The following DDX10 variants were observed in gnomAD, a reference collection of about 807,000 sequenced individuals.
DDX10 encodes DEAD-box helicase 10, also known as probable ATP-dependent RNA helicase DDX10.
A neutral mutation model predicts 104.3 loss-of-function variants in DDX10; 74 were observed. The ratio of observed to expected loss-of-function variants is 0.71; its 90% CI spans 0.59 to 0.86. The LOEUF is 0.86. Among genes scored for constraint, DDX10 ranks in the 40% least tolerant of loss-of-function variants. The probability of loss-of-function intolerance (pLI) is 0.00; values close to 1 mark genes in which losing one functional copy is unlikely to be tolerated. For missense variants in DDX10, 952 were observed against 1,040.0 expected (o/e 0.92, Z 1.16); for synonymous variants, 351 against 353.4 (o/e 0.99, Z 0.08).
chr11:108,780,411 G>T (rs1591816462), intron 13 of DDX10, among the ~76,000 whole-genome samples: 1 of 152,208 alleles, frequency 6.6e-6, no homozygotes, highest in East Asian at 1.9e-4. Context: ...TTTAAGAGGG[G>T]TGGTTTTTGG....
At position 108,692,001 on chromosome 11, in the gene DDX10, A is replaced by C. The variant is rs770758577; in HGVS notation, c.1101A>C (p.Ala367=). 6.2e-7 allele frequency: 1 copy of C among 1,613,586 alleles called. No individual in the cohort carries two copies. The highest frequency in any genetic ancestry group is 8.5e-7 in the Non-Finnish European group (1 of 1,179,850). The change falls in exon 8 of 18, where the codon GCA becomes GCC. Residue 367 remains alanine (A), a synonymous_variant. Transcript: ENST00000322536. ...ATGAGTTTGTCCGTAAGAGAGCTGC[A>C]GTACTCTTTGCTACTGATATTGCAG... ...VYNEFVRKRA[A]VLFATDIAAR...
At position 108,738,058 on chromosome 11, in the gene DDX10, G is replaced by A. The variant is rs75647932; in HGVS notation, c.1965+14596G>A. Among the ~76,000 whole-genome samples, 655 of 152,034 alleles carry A rather than the reference G, an allele frequency of 4.3e-3. 4 individuals are homozygous for A. The highest frequency in any genetic ancestry group is 0.015 in the African/African-American group (634 of 41,476). ...TGCATATTCCAAAAACACTTAGCAC[G>A]ACCTTGCTAAATAATGCTCTCTCCT... is the stretch of plus-strand genomic sequence containing the variant. On this transcript the variant is annotated intron_variant, in intron 13 of 17. Coordinates refer to ENST00000322536, the MANE Select transcript of DDX10 (RefSeq NM_004398.4).
At chr11:108,687,307 A>G (rs2094245734) in intron 6 of DDX10, among the ~76,000 whole-genome samples, 1 of 151,714 alleles carries the variant, frequency 6.6e-6, no homozygotes, top group African/African-American at 2.4e-5. Flanking sequence ...TCATCTTTAA[A>G]TTGTTTTTTA....
intron 10 of DDX10, among the ~76,000 whole-genome samples, chr11:108,710,016 A>G (rs778259624): frequency 7.2e-5 from 11 of 152,202 alleles, no homozygotes; most frequent in Non-Finnish European, 1.5e-4. Flanking sequence ...CATGCTGTAC[A>G]CTGAATACTG....
chr11:108,679,286 T>G, intron 5 of DDX10, 85 bp from the exon 6 acceptor site: 1 of 1,173,490 alleles, frequency 8.5e-7, no homozygotes. Context: ...TTTTTCTGTT[T>G]TAGGATCCAA....
chr11:108,856,915 C>T (rs1862878189), intron 16 of DDX10, among the ~76,000 whole-genome samples: 1 of 149,918 alleles, frequency 6.7e-6, no homozygotes, highest in Non-Finnish European at 1.5e-5. Context: ...ATTTAGTCCT[C>T]ATCCAGACCA....
In DDX10 at chr11:108,687,635, T is replaced by A. The variant is rs181707440; in HGVS notation, c.849-1301T>A. ...CCCTTTTAAAATTGGGTGTTTCTGT[T>A]CTTATTGTTGAATTTTAAGAGTTGT... On this transcript the variant is annotated intron_variant, in intron 6 of 17. Transcript: ENST00000322536. Among the ~76,000 whole-genome samples the A allele has an allele frequency of 7.6e-3, 1,153 of 152,344 alleles. 5 individuals carry two copies. The highest frequency in any genetic ancestry group is 0.011 in the Non-Finnish European group (734 of 68,036).
intron 10 of DDX10, 41 bp downstream of exon 10, chr11:108,706,878 G>T: frequency 6.5e-7 from 1 of 1,540,882 alleles, no homozygotes; most frequent in Non-Finnish European, 9.0e-7. Context: ...AGGAAAATGA[G>T]GGCATGAAAT....
At chr11:108,815,156 T>C (rs1009315857) in intron 13 of DDX10, among the ~76,000 whole-genome samples, 2 of 152,220 alleles carry the variant, frequency 1.3e-5, no homozygotes, top group Admixed American at 6.5e-5. Context: ...ATTCCTGTTA[T>C]ATACTTTGAT....
intron 16 of DDX10, among the ~76,000 whole-genome samples, chr11:108,885,179 T>C (rs868732218): frequency 6.6e-6 from 1 of 152,288 alleles, no homozygotes. Flanking sequence ...AGCTTCCAAA[T>C]GGCCTTCAGT....
At chr11:108,891,414 T>G (rs149149927) in intron 16 of DDX10, among the ~76,000 whole-genome samples, 1,597 of 152,176 alleles carry the variant, frequency 0.01, 24 homozygotes, top group African/African-American at 0.037. Context: ...GGCAGATAAT[T>G]AAGTCTGTCT....
chr11:108,777,271 G>A (rs775528210), intron 13 of DDX10, among the ~76,000 whole-genome samples: 2 of 152,046 alleles, frequency 1.3e-5, no homozygotes, highest in Non-Finnish European at 2.9e-5. Context: ...ACTGGAGCTA[G>A]AACTCAGTCT....
At chr11:108,809,896 G>C (rs1484258029) in intron 13 of DDX10, among the ~76,000 whole-genome samples, 1 of 152,144 alleles carries the variant, frequency 6.6e-6, no homozygotes, top group Non-Finnish European at 1.5e-5. Flanking sequence ...AATTGATAGA[G>C]TTTTATACAC....
chr11:108,891,293 C>A (rs982179148), intron 16 of DDX10, among the ~76,000 whole-genome samples: 1 of 152,024 alleles, frequency 6.6e-6, no homozygotes, highest in Non-Finnish European at 1.5e-5. Flanking sequence ...TCCTGTGCTC[C>A]CAACTTTCTT....
rs752685527 is a variant in DDX10 at position 108,838,540 on chromosome 11, AGAT to A, written c.2061_2063del (p.Ile688del). The A allele has an allele frequency of 4.3e-6, 7 of 1,610,790 alleles. No homozygotes were observed. The highest frequency in any genetic ancestry group is 5.1e-6 in the Non-Finnish European group (6 of 1,178,868). ...AAGAGAAATTTTAAAGTGAATAAGA[AGAT>A]AACATTTACTGATGAAGGGGAGGTA... On this transcript the variant is annotated inframe_deletion, in exon 14 of 18. Transcript: ENST00000322536.
chr11:108,699,715 AG>A (rs2094264798), intron 9 of DDX10, among the ~76,000 whole-genome samples: 1 of 152,192 alleles, frequency 6.6e-6, no homozygotes, highest in South Asian at 2.1e-4. Flanking sequence ...TGTCAATACC[AG>A]GAGGTGCAGA....
intron 13 of DDX10, chr11:108,838,230 G>T: frequency 2.8e-6 from 1 of 360,432 alleles, no homozygotes. Context: ...TGGTTTACTA[G>T]CCCTCCTATT....
At chr11:108,846,831 A>ACCAGC (rs999372330) in intron 15 of DDX10, among the ~76,000 whole-genome samples, 1 of 151,702 alleles carries the variant, frequency 6.6e-6, no homozygotes, top group Non-Finnish European at 1.5e-5. Flanking sequence ...ACCAGACCAG[A>ACCAGC]CCAGACCAGA....
intron 13 of DDX10, among the ~76,000 whole-genome samples, chr11:108,737,559 C>T (rs1036146944): frequency 7.2e-5 from 11 of 152,116 alleles, no homozygotes; most frequent in Admixed American, 4.6e-4. Flanking sequence ...GAAAAAAGTG[C>T]CTTAGTAAAC....
Sources: allele counts gnomAD v4.1 joint callset (sites outside exome capture counted in the v4.1 genomes callset), GRCh38; gene constraint gnomAD v4.1.1; transcripts MANE v1.5; gene names NCBI Gene and HGNC (gene_info 2026-07-23, HGNC 2026-07-21).